KIAA2012: variants seen among roughly 807,000 people sequenced by gnomAD.
The protein encoded by KIAA2012 is uncharacterized protein KIAA2012.
A neutral mutation model predicts 150.6 loss-of-function variants in KIAA2012; 125 were observed. That is an observed-to-expected ratio of 0.83 (90% CI 0.72 to 0.96). KIAA2012 has a LOEUF of 0.96. Among genes scored for constraint, KIAA2012 ranks in the 40% least tolerant of loss-of-function variants. The probability of loss-of-function intolerance (pLI) is 0.00; values close to 1 mark genes in which losing one functional copy is unlikely to be tolerated. For missense variants in KIAA2012, 1,219 were observed against 1,354.9 expected, an observed-to-expected ratio of 0.90 and a Z score of 1.57; for synonymous variants, 462 against 504.7, an observed-to-expected ratio of 0.92 and a Z score of 1.13.
intron 22 of KIAA2012, chr2:202,201,791 A>C: frequency 7.7e-7 from 1 of 1,298,806 alleles, no homozygotes; most frequent in Non-Finnish European, 1.1e-6. Context: ...TATAGGGTAG[A>C]GCCTGAGAAA....
At chr2:202,190,736 G>A (rs566300139) in intron 19 of KIAA2012, among the ~76,000 whole-genome samples, 4 of 152,180 alleles carry the variant, frequency 2.6e-5, no homozygotes, top group Admixed American at 2.0e-4. Context: ...ACATTGCCAG[G>A]GCAAGTATCC....
chr2:202,149,376 C>A (rs2105949714), intron 13 of KIAA2012, among the ~76,000 whole-genome samples: 1 of 152,330 alleles, frequency 6.6e-6, no homozygotes, highest in East Asian at 1.9e-4. Context: ...AAAGGCTCCC[C>A]CGACCCGCTC....
Position 202,073,506 on chromosome 2 carries a change from A to C in KIAA2012, c.-122A>C. 1.4e-6 allele frequency: 1 copy of C among 725,798 alleles called. No individual in the cohort carries two copies. Among genetic ancestry groups the C allele is most frequent in the South Asian group, 1.9e-5 (1 of 53,430 alleles). The allele number at this position is 725,798 out of a possible 1,614,324, so 45.0% of individuals were successfully genotyped here. On this transcript the variant is annotated 5_prime_UTR_variant, in exon 1 of 24. Transcript: ENST00000498697. ...GAGAGGGAAAAATGTATTTAATAAA[A>C]GGCCCTGTGTTTGTGGTCTTCTTGG...
chr2:202,155,568 A>G (rs529080142), intron 14 of KIAA2012, among the ~76,000 whole-genome samples: 1 of 152,340 alleles, frequency 6.6e-6, no homozygotes, highest in South Asian at 2.1e-4. Flanking sequence ...CAGGCCTGGC[A>G]TGGAAGGATC....
intron 22 of KIAA2012, among the ~76,000 whole-genome samples, chr2:202,199,684 C>T (rs1290689634): frequency 2.0e-5 from 3 of 152,036 alleles, no homozygotes; most frequent in East Asian, 3.9e-4. Context: ...CATTAAGGAT[C>T]CCTGAAATAT....
At chr2:202,085,859 A>C (rs1689555040) in intron 2 of KIAA2012, among the ~76,000 whole-genome samples, 1 of 152,224 alleles carries the variant, frequency 6.6e-6, no homozygotes, top group South Asian at 2.1e-4. Flanking sequence ...CTTCAGAACC[A>C]AGCTGGTGCT....
At chr2:202,127,570 A>G (rs973207476) in intron 12 of KIAA2012, among the ~76,000 whole-genome samples, 5 of 152,300 alleles carry the variant, frequency 3.3e-5, no homozygotes, top group Admixed American at 6.5e-5. Flanking sequence ...AGAAGGAGAA[A>G]AGTACAGAAG....
chr2:202,188,333 G>C (rs1692269251), intron 18 of KIAA2012, 67 bp downstream of exon 18: 1 of 1,263,262 alleles, frequency 7.9e-7, no homozygotes, highest in East Asian at 2.5e-5. Flanking sequence ...AGGTGGTATG[G>C]ATAATTAGCA....
At chr2:202,103,197 C>A in intron 8 of KIAA2012, 83 bp downstream of exon 8, 1 of 1,317,898 alleles carries the variant, frequency 7.6e-7, no homozygotes, top group African/African-American at 1.5e-5. Flanking sequence ...TACATCATGG[C>A]TGACGTTCCC....
At chr2:202,103,993 A>C (rs888783206) in intron 8 of KIAA2012, among the ~76,000 whole-genome samples, 2 of 152,240 alleles carry the variant, frequency 1.3e-5, no homozygotes, top group Non-Finnish European at 2.9e-5. Flanking sequence ...ATTTCAGCAG[A>C]GACTGCCACT....
In KIAA2012 at chr2:202,075,024, T is replaced by C. The variant is rs1237343707; in HGVS notation, c.218T>C (p.Leu73Pro). 1.3e-6 allele frequency: 2 copies of C among 1,550,646 alleles called. No homozygotes were observed. The highest frequency in any genetic ancestry group is 2.0e-5 in the Admixed American group (1 of 51,012). Residue 73 changes from leucine (L) to proline (P), a missense_variant, in exon 2 of 24, where the codon CTG (leucine) becomes CCG (proline). Physicochemically the swap from Leu to Pro is moderately conservative, Grantham distance 98. Transcript: ENST00000498697. Reference sequence around the variant, plus strand: ...AGTACTAGAAAGGGTGCCCTGATCCTGTACTCAGAAGGTTTTGCCATTTCG... The same window carrying C: ...AGTACTAGAAAGGGTGCCCTGATCCCGTACTCAGAAGGTTTTGCCATTTCG... ...TFSTRKGALI[L>P]YSEGFAISAW... is the part of the protein sequence containing the mutation.
chr2:202,190,557 A>T (rs938388264), intron 19 of KIAA2012, 64 bp downstream of exon 19: 2 of 1,246,050 alleles, frequency 1.6e-6, no homozygotes, highest in Admixed American at 5.8e-5. Context: ...GACTGCAAAG[A>T]TGGGAAAGCT....
chr2:202,152,074 A>C (rs1267279207), intron 13 of KIAA2012, among the ~76,000 whole-genome samples: 1 of 152,090 alleles, frequency 6.6e-6, no homozygotes, highest in Non-Finnish European at 1.5e-5. Flanking sequence ...CTAGCATGCG[A>C]CTTTCTTTCC....
intron 15 of KIAA2012, among the ~76,000 whole-genome samples, chr2:202,180,943 A>C (rs1692106403): frequency 6.6e-6 from 1 of 152,200 alleles, no homozygotes; most frequent in Non-Finnish European, 1.5e-5. Flanking sequence ...CACTTATGGT[A>C]CATTCATACG....
intron 1 of KIAA2012, 145 bp downstream of exon 1, chr2:202,073,856 A>G (rs745457716): frequency 4.6e-6 from 3 of 646,042 alleles, no homozygotes; most frequent in Non-Finnish European, 8.0e-6. Flanking sequence ...TTCCTCCTTC[A>G]TGAAACTCAA....
At chr2:202,136,026 C>A (rs749946281) in intron 12 of KIAA2012, 2 of 367,448 alleles carry the variant, frequency 5.4e-6, no homozygotes, top group African/African-American at 2.2e-5. Flanking sequence ...GAAACAGAGT[C>A]TCACTCTGTT....
chr2:202,171,088 G>T (rs1184867184), intron 15 of KIAA2012, among the ~76,000 whole-genome samples: 2 of 148,614 alleles, frequency 1.3e-5, no homozygotes, highest in Non-Finnish European at 2.9e-5. Context: ...CAAGGTCCGG[G>T]GAAATAGAGA....
intron 13 of KIAA2012, among the ~76,000 whole-genome samples, chr2:202,138,730 G>A (rs1559217624): frequency 6.6e-6 from 1 of 152,166 alleles, no homozygotes; most frequent in Non-Finnish European, 1.5e-5. Context: ...TTACTTGTGT[G>A]AATAAGCTCA....
chr2:202,132,743 A>ATGTATG (rs1188073064), intron 12 of KIAA2012, among the ~76,000 whole-genome samples: 1 of 111,622 alleles, frequency 9.0e-6, no homozygotes, highest in African/African-American at 3.5e-5. Context: ...ATATGTATAT[A>ATGTATG]TATAGTATAT....
Sources: allele counts gnomAD v4.1 joint callset (sites outside exome capture counted in the v4.1 genomes callset), GRCh38; gene constraint gnomAD v4.1.1; transcripts MANE v1.5; gene names NCBI Gene and HGNC (gene_info 2026-07-23, HGNC 2026-07-21).